Variants in ZNF804A observed in about 807,000 individuals in gnomAD.
ZNF804A encodes zinc finger protein 804A.
ZNF804A carries 2 observed loss-of-function variants against 16.5 expected under a neutral mutation model. The observed-to-expected ratio is 0.12, with a 90% confidence interval of 0.05 to 0.38. ZNF804A has a LOEUF of 0.38. Among genes scored for constraint, ZNF804A ranks in the 10% least tolerant of loss-of-function variants. The pLI is 0.99. For synonymous variants in ZNF804A, 534 were observed against 489.6 expected, an observed-to-expected ratio of 1.09 and a Z score of -1.20; for missense variants, 1,473 against 1,390.7, an observed-to-expected ratio of 1.06 and a Z score of -0.94.
At chr2:184,916,041 A>G (rs137948152) in intron 2 of ZNF804A, among the ~76,000 whole-genome samples, 1 of 152,280 alleles carries the variant, frequency 6.6e-6, no homozygotes, top group South Asian at 2.1e-4. Context: ...CATTGAAGAG[A>G]GCTAAATTGA....
intron 1 of ZNF804A, among the ~76,000 whole-genome samples, chr2:184,620,608 A>G (rs1211011789): frequency 6.6e-6 from 1 of 151,758 alleles, no homozygotes; most frequent in Non-Finnish European, 1.5e-5. Flanking sequence ...TCATCAGGGT[A>G]TGGAATCACA....
chr2:184,600,553 T>G (rs1691028873), intron 1 of ZNF804A, among the ~76,000 whole-genome samples: 1 of 152,296 alleles, frequency 6.6e-6, no homozygotes, highest in South Asian at 2.1e-4. Context: ...GGTAAAATTT[T>G]GGGGGAAAAA....
chr2:184,706,901 T>G (rs1693039055), intron 1 of ZNF804A, among the ~76,000 whole-genome samples: 1 of 152,210 alleles, frequency 6.6e-6, no homozygotes, highest in Middle Eastern at 3.2e-3. Flanking sequence ...TACATGAATA[T>G]CATTGGGAAG....
At chr2:184,761,425 G>C (rs1333101290) in intron 1 of ZNF804A, among the ~76,000 whole-genome samples, 1 of 152,114 alleles carries the variant, frequency 6.6e-6, no homozygotes, top group African/African-American at 2.4e-5. Flanking sequence ...ACAGCTCTAA[G>C]AACTCTTTTG....
At chr2:184,822,458 T>C (rs985188474) in intron 1 of ZNF804A, among the ~76,000 whole-genome samples, 1 of 152,016 alleles carries the variant, frequency 6.6e-6, no homozygotes, top group Admixed American at 6.6e-5. Flanking sequence ...ACCTAGGAGA[T>C]GGATTGATTC....
At chr2:184,825,512 A>ATATATG (rs1216654503) in intron 1 of ZNF804A, among the ~76,000 whole-genome samples, 2 of 152,160 alleles carry the variant, frequency 1.3e-5, no homozygotes, top group East Asian at 3.9e-4. Flanking sequence ...GTGTGTGTAT[A>ATATATG]TATATGTATA....
chr2:184,721,075 A>G (rs1693304893), intron 1 of ZNF804A, among the ~76,000 whole-genome samples: 1 of 152,164 alleles, frequency 6.6e-6, no homozygotes, highest in Non-Finnish European at 1.5e-5. Context: ...CCTATTTCTG[A>G]TCATATACAA....
At chr2:184,779,386 T>C (rs17431132) in intron 1 of ZNF804A, among the ~76,000 whole-genome samples, 21,028 of 151,808 alleles carry the variant, frequency 0.14, 1,579 homozygotes, top group Middle Eastern at 0.23. Flanking sequence ...TTTCTACTTA[T>C]AATTCTTCTA....
rs184186311 is a variant in ZNF804A at position 184,844,527 on chromosome 2, T to C, written c.112-21842T>C. On this transcript the variant is annotated intron_variant, in intron 1 of 3. Transcript: ENST00000302277. ...TGTTTTTTCTTTCAATATTTCATTTTATTCTCTTCTTTCTTGCATGATTTC... is the reference window on the plus strand; with the variant it reads ...TGTTTTTTCTTTCAATATTTCATTTCATTCTCTTCTTTCTTGCATGATTTC... 5.4e-3 allele frequency among the ~76,000 whole-genome samples: 828 copies of C among 152,214 alleles called. 6 individuals are homozygous for C. The highest frequency in any genetic ancestry group is 0.017 in the Middle Eastern group (5 of 294).
intron 1 of ZNF804A, among the ~76,000 whole-genome samples, chr2:184,754,783 G>T (rs1295337086): frequency 6.6e-6 from 1 of 151,618 alleles, no homozygotes; most frequent in South Asian, 2.1e-4. Flanking sequence ...AAAAAAAATT[G>T]TGTCTTATTT....
chr2:184,912,441 T>C (rs992779816), intron 2 of ZNF804A, among the ~76,000 whole-genome samples: 8 of 152,112 alleles, frequency 5.3e-5, no homozygotes, highest in African/African-American at 1.9e-4. Flanking sequence ...TGAATATCCA[T>C]TTTTCAAACA....
At chr2:184,723,660 T>G (rs1693358877) in intron 1 of ZNF804A, among the ~76,000 whole-genome samples, 1 of 151,762 alleles carries the variant, frequency 6.6e-6, no homozygotes, top group Admixed American at 6.6e-5. Flanking sequence ...TTTATTTCAG[T>G]TAAGTATTGG....
chr2:184,935,700 G>A (rs941907942), intron 3 of ZNF804A, 83 bp from the exon 4 acceptor site: 20 of 1,426,832 alleles, frequency 1.4e-5, no homozygotes, highest in Middle Eastern at 3.7e-4. Flanking sequence ...ATATTATAAT[G>A]ACTTTTTAAA....
intron 2 of ZNF804A, among the ~76,000 whole-genome samples, chr2:184,873,484 TAAACAAAC>T (rs746255665): frequency 6.6e-6 from 1 of 152,130 alleles, no homozygotes; most frequent in Non-Finnish European, 1.5e-5. Context: ...CAAGAACCTG[TAAACAAAC>T]AAACAAACAA....
intron 1 of ZNF804A, among the ~76,000 whole-genome samples, chr2:184,800,445 G>T (rs1490395339): frequency 6.6e-6 from 1 of 151,338 alleles, no homozygotes; most frequent in East Asian, 1.9e-4. Flanking sequence ...TTTACTCAAA[G>T]AACTGCTTTA....
chr2:184,838,739 A>G (rs554751621), intron 1 of ZNF804A, among the ~76,000 whole-genome samples: 1 of 152,146 alleles, frequency 6.6e-6, no homozygotes, highest in Non-Finnish European at 1.5e-5. Context: ...ATGTATAGCC[A>G]TAACAGAAAA....
chr2:184,770,522 A>G (rs2105768313), intron 1 of ZNF804A, among the ~76,000 whole-genome samples: 1 of 139,342 alleles, frequency 7.2e-6, no homozygotes, highest in South Asian at 2.1e-4. Context: ...TAGTTTACTC[A>G]TTTAGCAAAC....
chr2:184,830,536 T>C (rs1043106902), intron 1 of ZNF804A, among the ~76,000 whole-genome samples: 1 of 152,104 alleles, frequency 6.6e-6, no homozygotes, highest in Non-Finnish European at 1.5e-5. Context: ...ACAGGCATTT[T>C]TGAGAGGTGA....
chr2:184,931,063 C>A (rs1319065810), intron 2 of ZNF804A, among the ~76,000 whole-genome samples: 1 of 152,160 alleles, frequency 6.6e-6, no homozygotes, highest in Non-Finnish European at 1.5e-5. Context: ...TATAAAACCA[C>A]TGGATCTCAT....
Sources: allele counts gnomAD v4.1 joint callset (sites outside exome capture counted in the v4.1 genomes callset), GRCh38; gene constraint gnomAD v4.1.1; transcripts MANE v1.5; gene names NCBI Gene and HGNC (gene_info 2026-07-23, HGNC 2026-07-21).